Variants in COL4A1 observed in about 807,000 individuals in gnomAD.
COL4A1 encodes collagen type IV alpha 1 chain.
A neutral mutation model predicts 216.6 loss-of-function variants in COL4A1; 40 were observed. The observed-to-expected ratio is 0.18, with a 90% CI of 0.14 to 0.24. COL4A1 has a LOEUF of 0.24. Among genes scored for constraint, COL4A1 ranks in the 10% least tolerant of loss-of-function variants. The pLI is 1.00. For missense variants in COL4A1, 1,628 were observed against 2,196.8 expected (o/e 0.74, Z 5.18); for synonymous variants, 839 against 810.7 (o/e 1.03, Z -0.59).
Position 110,164,735 on chromosome 13 carries a change from C to G in COL4A1, c.4150+127G>C, listed in dbSNP as rs574289677. ...ATATGCATTGAAGGGAGGTAAGAAA[C>G]TCATATTCATATGTGTGTGTATAAT... On this transcript the variant is annotated intron_variant, in intron 46 of 51. Transcript: ENST00000375820. 60 of 1,379,088 alleles carry G rather than the reference C, an allele frequency of 4.4e-5. No individual in the cohort carries two copies. The African/African-American group carries it at 8.4e-4, about 19-fold the overall frequency. 85.4% of individuals were successfully genotyped at this position (1,379,088 alleles called of 1,614,324 possible). A position where few individuals can be genotyped will look rare whatever the true frequency, so the allele number is the denominator to read the frequency against.
At chr13:110,200,020 T>C (rs1879104890) in intron 20 of COL4A1, among the ~76,000 whole-genome samples, 1 of 152,164 alleles carries the variant, frequency 6.6e-6, no homozygotes, top group African/African-American at 2.4e-5. Context: ...AAGGGGGCTC[T>C]GCAAGAACTT....
chr13:110,247,472 C>A (rs186677752), intron 1 of COL4A1, among the ~76,000 whole-genome samples: 151 of 152,234 alleles, frequency 9.9e-4, no homozygotes, highest in Admixed American at 3.1e-3. Flanking sequence ...TGAAACTTTT[C>A]TTTCATGCTC....
At chr13:110,214,669 C>A (rs1879983534) in intron 2 of COL4A1, among the ~76,000 whole-genome samples, 1 of 152,190 alleles carries the variant, frequency 6.6e-6, no homozygotes, top group Non-Finnish European at 1.5e-5. Flanking sequence ...ACTCTGGGTT[C>A]TCTGGCCTTC....
At chr13:110,230,902 A>ACC (rs1881025201) in intron 2 of COL4A1, among the ~76,000 whole-genome samples, 1 of 152,142 alleles carries the variant, frequency 6.6e-6, no homozygotes, top group South Asian at 2.1e-4. Flanking sequence ...GACAGGGCAC[A>ACC]CCCGTTTACC....
intron 6 of COL4A1, 83 bp from the exon 7 acceptor site, chr13:110,212,005 T>C (rs1879825048): frequency 6.0e-6 from 8 of 1,325,184 alleles, no homozygotes; most frequent in Non-Finnish European, 8.7e-6. Context: ...CACTCTGCCC[T>C]ACCCTTCATT....
In COL4A1 at chr13:110,198,643, C is replaced by T. The variant is rs554541041; in HGVS notation, c.1121-12G>A. ...AGGTACAGGGAGGCCTGCAACCAGA[C>T]AGAAGCTCACATCAGTAACCTCAGG... On this transcript the variant is annotated splice_polypyrimidine_tract_variant and intron_variant, in intron 20 of 51. Coordinates refer to ENST00000375820, the MANE Select transcript of COL4A1 (RefSeq NM_001845.6). The T allele has an allele frequency of 4.3e-6, 7 of 1,613,940 alleles. No individual in the cohort carries two copies. Among genetic ancestry groups the T allele is most frequent in the African/African-American group, 1.3e-5 (1 of 75,038 alleles).
chr13:110,252,265 C>T lies in COL4A1; in HGVS notation c.85-9531G>A, dbSNP rs947915674. Among the ~76,000 whole-genome samples the T allele has an allele frequency of 1.2e-4, 18 of 151,756 alleles. 1 individual carries two copies. The highest frequency in any genetic ancestry group is 3.9e-4 in the Admixed American group (6 of 15,226). ...TCTCGAACTCCTGACCTCAGGTGAACCACCCACCTCAGCCTCCCGAAGCAC... is the reference window on the plus strand; with the variant it reads ...TCTCGAACTCCTGACCTCAGGTGAATCACCCACCTCAGCCTCCCGAAGCAC... On this transcript the variant is annotated intron_variant, in intron 1 of 51. Coordinates refer to ENST00000375820, the MANE Select transcript of COL4A1 (RefSeq NM_001845.6).
intron 2 of COL4A1, among the ~76,000 whole-genome samples, chr13:110,221,696 T>A (rs1352763096): frequency 6.6e-6 from 1 of 152,100 alleles, no homozygotes. Flanking sequence ...CTTCAAGAGT[T>A]TTTTCTTATC....
At chr13:110,229,011 C>A (rs927303141) in intron 2 of COL4A1, among the ~76,000 whole-genome samples, 3 of 152,178 alleles carry the variant, frequency 2.0e-5, no homozygotes, top group Non-Finnish European at 2.9e-5. Context: ...GGGGATTCCA[C>A]AAACTTTGGT....
intron 1 of COL4A1, among the ~76,000 whole-genome samples, chr13:110,266,930 C>T (rs1042427417): frequency 2.0e-5 from 3 of 151,790 alleles, no homozygotes; most frequent in African/African-American, 4.8e-5. Context: ...AATTTTTAAT[C>T]GAAAAAATGT....
At chr13:110,219,668 A>ATGTGTATATATG (rs1477358093) in intron 2 of COL4A1, among the ~76,000 whole-genome samples, 1 of 45,418 alleles carries the variant, frequency 2.2e-5, no homozygotes, top group Non-Finnish European at 4.7e-5. Flanking sequence ...ATATGTATAT[A>ATGTGTATATATG]TATATATATG....
intron 50 of COL4A1, 21 bp downstream of exon 50, chr13:110,155,260 ATG>A: frequency 6.4e-7 from 1 of 1,573,348 alleles, no homozygotes; most frequent in Non-Finnish European, 8.8e-7. Flanking sequence ...CCCGGGAAAT[ATG>A]GCGTCTCCCC....
intron 29 of COL4A1, among the ~76,000 whole-genome samples, chr13:110,180,848 G>A (rs1318081851): frequency 6.6e-6 from 1 of 152,160 alleles, no homozygotes; most frequent in Non-Finnish European, 1.5e-5. Context: ...GGCTGCTCCT[G>A]TCAAAAGCCC....
At chr13:110,217,258 A>G (rs893890201) in intron 2 of COL4A1, among the ~76,000 whole-genome samples, 1 of 152,216 alleles carries the variant, frequency 6.6e-6, no homozygotes, top group Non-Finnish European at 1.5e-5. Context: ...ATTTTAGCAC[A>G]TTTCCACCAG....
intron 2 of COL4A1, among the ~76,000 whole-genome samples, chr13:110,234,337 C>T (rs1243550018): frequency 6.6e-6 from 1 of 152,186 alleles, no homozygotes; most frequent in Admixed American, 6.5e-5. Context: ...CATCCCAGCA[C>T]TTTGGGAGGC....
At position 110,170,722 on chromosome 13, in the gene COL4A1, A is replaced by G. The variant is rs1487438420; in HGVS notation, c.3567T>C (p.Gly1189=). 8 of 1,613,992 alleles carry G rather than the reference A, an allele frequency of 5.0e-6. No individual in the cohort carries two copies. Among genetic ancestry groups the G allele is most frequent in the Non-Finnish European group, 6.8e-6 (8 of 1,180,030 alleles). ...CGGCTAATCCTGGGAAACCCACCTC[A>G]CCCTTTGAACCTGAACAAGAAAAAC... ...PGAKGDKGSK[G]EVGFPGLAGS... The change falls in exon 42 of 52, where the codon GGT becomes GGC. Residue 1189 remains glycine (G), a synonymous_variant. Transcript: ENST00000375820.
In COL4A1 at chr13:110,181,334, T is replaced by G; in HGVS notation, c.2151A>C (p.Gly717=). The G allele has an allele frequency of 1.2e-6, 2 of 1,613,210 alleles. No individual in the cohort carries two copies. Among genetic ancestry groups the G allele is most frequent in the Non-Finnish European group, 1.7e-6 (2 of 1,179,846 alleles). ...CTGGGTTCCCAGGTAAGCCATTAAA[T>G]CCCGGGCGACCTGGAGTCCCCGGTG... ...MGPPGTPGRP[G]FNGLPGNPGV... The change falls in exon 29 of 52, where the codon GGA becomes GGC. Residue 717 remains glycine, a synonymous_variant. Transcript: ENST00000375820.
chr13:110,222,651 T>TATAC (rs1329258139), intron 2 of COL4A1, among the ~76,000 whole-genome samples: 2 of 145,862 alleles, frequency 1.4e-5, no homozygotes, highest in East Asian at 3.9e-4. Flanking sequence ...CGGGCACCTG[T>TATAC]AGTCCCAGCT....
At chr13:110,286,477 G>C (rs72655725) in intron 1 of COL4A1, among the ~76,000 whole-genome samples, 1 of 152,130 alleles carries the variant, frequency 6.6e-6, no homozygotes, top group African/African-American at 2.4e-5. Context: ...GTGGGGGAGA[G>C]AGGCAGAAGT....
Sources: allele counts gnomAD v4.1 joint callset (sites outside exome capture counted in the v4.1 genomes callset), GRCh38; gene constraint gnomAD v4.1.1; transcripts MANE v1.5; gene names NCBI Gene and HGNC (gene_info 2026-07-23, HGNC 2026-07-21).